Variants in THNSL2 observed in about 807,000 individuals in gnomAD.
THNSL2 encodes the protein threonine synthase-like 2.
THNSL2 carries 34 observed loss-of-function variants against 40.0 expected under a neutral mutation model. The ratio of observed to expected loss-of-function variants is 0.85; its 90% CI spans 0.65 to 1.13. THNSL2 has a LOEUF of 1.13. Ranked by LOEUF, THNSL2 falls within the 50% of genes most tolerant of loss-of-function variation. THNSL2 has a pLI of 0.00. For synonymous variants in THNSL2, 241 were observed against 247.5 expected (o/e 0.97, Z 0.25); for missense variants, 537 against 608.8 (o/e 0.88, Z 1.24).
Position 88,173,171 on chromosome 2 carries a change from G to C in THNSL2, c.21G>C (p.Arg7Ser). MWYVST[R>S]GVAPRVNFEG... ...GGATCATGTGGTATGTCAGCACCAG[G>C]GGCGTAGCCCCACGGGTCAACTTTG... Residue 7 changes from arginine (R) to serine (S), a missense_variant, in exon 2 of 9, where the codon AGG becomes AGC. Physicochemically the swap from Arg to Ser is moderately radical, Grantham distance 110. Coordinates refer to ENST00000674334, the MANE Select transcript of THNSL2 (RefSeq NM_018271.5). 1 of 1,578,654 alleles carries C rather than the reference G, an allele frequency of 6.3e-7. No homozygotes were observed. Among genetic ancestry groups the C allele is most frequent in the Non-Finnish European group, 8.6e-7 (1 of 1,160,374 alleles).
In THNSL2 at chr2:88,170,720, G is replaced by A. The variant is rs75024295; in HGVS notation, c.-13+264G>A. Among the ~76,000 whole-genome samples the A allele has an allele frequency of 4.2e-3, 633 of 152,246 alleles. 26 individuals are homozygous for A. The East Asian group carries it at 0.087, about 21-fold the overall frequency. ...ACTGAAGTCCGTGGTGTTTTCAGGGGCTGGGAGTGGAATCTCAGGCGCCTG... is the reference window on the plus strand; with the variant it reads ...ACTGAAGTCCGTGGTGTTTTCAGGGACTGGGAGTGGAATCTCAGGCGCCTG... On this transcript the variant is annotated intron_variant, in intron 1 of 8. Transcript: ENST00000674334.
intron 1 of THNSL2, among the ~76,000 whole-genome samples, chr2:88,170,880 C>T (rs1676294732): frequency 6.6e-6 from 1 of 152,082 alleles, no homozygotes; most frequent in Non-Finnish European, 1.5e-5. Flanking sequence ...CTGTCCCACC[C>T]CTTCTCACAA....
chr2:88,177,425 T>C (rs926857558), intron 4 of THNSL2, among the ~76,000 whole-genome samples: 1 of 152,250 alleles, frequency 6.6e-6, no homozygotes, highest in African/African-American at 2.4e-5. Context: ...ATGTACATTG[T>C]ATACTTGGTT....
In THNSL2 at chr2:88,173,285, G is replaced by A. The variant is rs775512431; in HGVS notation, c.135G>A (p.Gln45=). ...LPQLDRGTLC[Q]WSTLSYPGLV... Reference sequence around the variant, plus strand: ...AGTTGGACAGAGGGACCCTGTGCCAGTGGAGCACACTCTCCTATCCTGGCC... The same window carrying A: ...AGTTGGACAGAGGGACCCTGTGCCAATGGAGCACACTCTCCTATCCTGGCC... Residue 45 remains glutamine (Q), a synonymous_variant, in exon 2 of 9, where the codon CAG becomes CAA. Coordinates refer to ENST00000674334, the MANE Select transcript of THNSL2 (RefSeq NM_018271.5). 6.2e-6 allele frequency: 10 copies of A among 1,612,488 alleles called. No individual in the cohort carries two copies. Among genetic ancestry groups the A allele is most frequent in the Non-Finnish European group, 7.6e-6 (9 of 1,179,968 alleles).
intron 1 of THNSL2, chr2:88,171,134 C>T: frequency 2.6e-6 from 1 of 386,126 alleles, no homozygotes. Context: ...CCAACAACAG[C>T]ACTTGATTTT....
intron 2 of THNSL2, 30 bp downstream of exon 2, chr2:88,173,403 TC>T: frequency 6.6e-7 from 1 of 1,525,090 alleles, no homozygotes; most frequent in Non-Finnish European, 8.9e-7. Flanking sequence ...CTTTCACTCT[TC>T]CAGCCCCTGC....
In THNSL2 at chr2:88,174,961, A is replaced by T. The variant is rs1480695540; in HGVS notation, c.418+128A>T. 4 of 1,167,652 alleles carry T rather than the reference A, an allele frequency of 3.4e-6. No homozygotes were observed. In the East Asian group the frequency reaches 9.9e-5, roughly 29 times the overall value. The allele number at this position is 1,167,652 out of a possible 1,614,324, so 72.3% of individuals were successfully genotyped here. Reference sequence around the variant, plus strand: ...GTTCTTCCAGAGCAAGGTTCCTAACATTTTCTGGTGCCATAGACCCCTTTG... The same window carrying T: ...GTTCTTCCAGAGCAAGGTTCCTAACTTTTTCTGGTGCCATAGACCCCTTTG... On this transcript the variant is annotated intron_variant, in intron 3 of 8. Coordinates refer to ENST00000674334, the MANE Select transcript of THNSL2 (RefSeq NM_018271.5).
chr2:88,173,638 AC>A (rs1427946881), intron 2 of THNSL2, among the ~76,000 whole-genome samples: 3 of 151,804 alleles, frequency 2.0e-5, no homozygotes, highest in Non-Finnish European at 1.5e-5. Context: ...AAAAAAAAAA[AC>A]AAAAACCTCT....
In THNSL2 at chr2:88,179,014, G is replaced by C. The variant is rs777586751; in HGVS notation, c.802+1G>C. The C allele has an allele frequency of 6.2e-7, 1 of 1,614,152 alleles. No homozygotes were observed. The highest frequency in any genetic ancestry group is 8.5e-7 in the Non-Finnish European group (1 of 1,179,984). ...ACAGGGGCTGCCGGTAACCTTGCAG[G>C]TAAGGAATCCCCGGGGCACAAATGG... On this transcript the variant is annotated splice_donor_variant, in intron 5 of 8. Transcript: ENST00000674334. LOFTEE classifies it high-confidence loss of function.
At position 88,170,414 on chromosome 2, in the gene THNSL2, T is replaced by TCGCGCCTCGCGCCCCGCGCCCCGCGCCC. The variant is rs1553460739; in HGVS notation, c.-49_-48insTCGCGCCCCGCGCCCCGCGCCCCGCGCC. ...GGGCAGCCCTGCTGCGCACCGGGCCTCGCGCCCCGCGCCCCGCGCCCCGCG... is the reference window on the plus strand; with the variant it reads ...GGGCAGCCCTGCTGCGCACCGGGCCTCGCGCCTCGCGCCCCGCGCCCCGCGCCCCGCGCCCCGCGCCCCGCGCCCCGCG... On this transcript the variant is annotated 5_prime_UTR_variant, in exon 1 of 9. Coordinates refer to ENST00000674334, the MANE Select transcript of THNSL2 (RefSeq NM_018271.5). 2 of 149,162 alleles carry TCGCGCCTCGCGCCCCGCGCCCCGCGCCC rather than the reference T, an allele frequency of 1.3e-5. No homozygotes were observed. The highest frequency in any genetic ancestry group is 4.0e-4 in the East Asian group (2 of 4,988). 9.2% of individuals were successfully genotyped at this position (149,162 alleles called of 1,614,324 possible). A position where few individuals can be genotyped will look rare whatever the true frequency, so the allele number is the denominator to read the frequency against.
rs560773325 is a variant in THNSL2, at chr2:88,174,807, G to A, written c.392G>A (p.Arg131Lys). ...TTCCTGCAGTACTTCCTGGAGAAGA[G>A]GGAGAAGCACGTCACTGTGGTTGTA... ...TQFLQYFLEK[R>K]EKHVTVVVGT... Residue 131 changes from arginine (R) to lysine (K), a missense_variant, in exon 3 of 9, where the codon AGG becomes AAG. Coordinates refer to ENST00000674334, the MANE Select transcript of THNSL2 (RefSeq NM_018271.5). The A allele has an allele frequency of 6.2e-7, 1 of 1,614,166 alleles. No individual in the cohort carries two copies. Among genetic ancestry groups the A allele is most frequent in the African/African-American group, 1.3e-5 (1 of 75,050 alleles).
chr2:88,175,598 C>T (rs1336752343), intron 4 of THNSL2, 197 bp downstream of exon 4: 5 of 625,336 alleles, frequency 8.0e-6, no homozygotes, highest in Non-Finnish European at 1.4e-5. Context: ...TTGGAGGTGA[C>T]AGATGCATAA....
chr2:88,181,836 G>A (rs1677724210), intron 5 of THNSL2, among the ~76,000 whole-genome samples: 1 of 152,004 alleles, frequency 6.6e-6, no homozygotes, highest in Non-Finnish European at 1.5e-5. Flanking sequence ...TCTATATATA[G>A]ATTTTCTTAT....
At chr2:88,183,235 G>A in intron 7 of THNSL2, 162 bp downstream of exon 7, 2 of 954,252 alleles carry the variant, frequency 2.1e-6, no homozygotes, top group East Asian at 2.7e-5. Flanking sequence ...TTTATTGAAT[G>A]AGGAGAGGTA....
intron 7 of THNSL2, 77 bp downstream of exon 7, chr2:88,183,150 C>T: frequency 6.4e-7 from 1 of 1,557,596 alleles, no homozygotes; most frequent in Non-Finnish European, 8.7e-7. Context: ...GAAGTCTGGT[C>T]AAGGGAAGAG....
At position 88,178,990 on chromosome 2, in the gene THNSL2, C is replaced by G. The variant is rs762254300; in HGVS notation, c.779C>G (p.Thr260Arg). ...PLPLVEVVVP[T>R]GAAGNLAAGY... Reference sequence around the variant, plus strand: ...CCCCTGGTGGAGGTGGTTGTGCCAACAGGGGCTGCCGGTAACCTTGCAGGT... The same window carrying G: ...CCCCTGGTGGAGGTGGTTGTGCCAAGAGGGGCTGCCGGTAACCTTGCAGGT... Residue 260 changes from threonine to arginine, a missense_variant, in exon 5 of 9, where the codon ACA (threonine) becomes AGA (arginine). Transcript: ENST00000674334. 1.9e-6 allele frequency: 3 copies of G among 1,614,210 alleles called. No individual in the cohort carries two copies. Among genetic ancestry groups the G allele is most frequent in the South Asian group, 2.2e-5 (2 of 91,090 alleles).
intron 4 of THNSL2, chr2:88,176,229 T>A (rs1676925611): frequency 6.6e-6 from 1 of 152,248 alleles, no homozygotes; most frequent in Non-Finnish European, 1.5e-5. Flanking sequence ...CCACCATTGG[T>A]TATACTGCTA....
At chr2:88,171,318 A>T (rs1220604316) in intron 1 of THNSL2, 1 of 456,654 alleles carries the variant, frequency 2.2e-6, no homozygotes, top group Non-Finnish European at 4.4e-6. Flanking sequence ...GTATGTGCTC[A>T]TCAGGCCAGC....
intron 1 of THNSL2, chr2:88,172,119 T>A (rs1021669798): frequency 6.6e-6 from 1 of 152,292 alleles, no homozygotes; most frequent in Non-Finnish European, 1.5e-5. Flanking sequence ...CTGAGAGCTA[T>A]GTCTAGTCAA....
Sources: gnomAD v4.1 joint callset for allele counts (sites outside exome capture counted in the v4.1 genomes callset) on GRCh38, gnomAD v4.1.1 for gene constraint, MANE v1.5 for transcripts, NCBI Gene and HGNC (gene_info 2026-07-23, HGNC 2026-07-21) for gene names.